Variants in GLYAT observed in about 807,000 individuals in gnomAD.
GLYAT encodes the protein glycine-N-acyltransferase, also known as glycine N-acyltransferase.
A neutral mutation model predicts 22.8 loss-of-function variants in GLYAT; 25 were observed. That is an observed-to-expected ratio of 1.09 (90% CI 0.80 to 1.53). The LOEUF (loss-of-function observed/expected upper bound fraction) is 1.53. Among genes scored for constraint, GLYAT ranks in the 40% most tolerant of loss-of-function variants. The pLI is 0.00. For synonymous variants in GLYAT, 140 were observed against 122.7 expected, an observed-to-expected ratio of 1.14 and a Z score of -0.93; for missense variants, 411 against 353.9, an observed-to-expected ratio of 1.16 and a Z score of -1.29.
At chr11:58,726,596 T>A (rs1287017164) in intron 1 of GLYAT, among the ~76,000 whole-genome samples, 2 of 152,184 alleles carry the variant, frequency 1.3e-5, no homozygotes, top group African/African-American at 2.4e-5. Flanking sequence ...CTGAGAAGGC[T>A]AATTTGAGAA....
chr11:58,709,542 T>A lies in GLYAT; in HGVS notation c.*224A>T. 1 of 462,212 alleles carries A rather than the reference T, an allele frequency of 2.2e-6. No individual in the cohort carries two copies. The highest frequency in any genetic ancestry group is 4.9e-5 in the South Asian group (1 of 20,342). 28.6% of individuals were successfully genotyped at this position (462,212 alleles called of 1,614,324 possible). A position where few individuals can be genotyped will look rare whatever the true frequency, so the allele number is the denominator to read the frequency against. On this transcript the variant is annotated 3_prime_UTR_variant, in exon 6 of 6. Coordinates refer to ENST00000344743, the MANE Select transcript of GLYAT (RefSeq NM_201648.3). ...GTCCTGGAAATGTGGGGAGGTAAAT[T>A]GCTTATGTCAAATGTAAGAGGACCT...
At chr11:58,718,732 T>G (rs1428136606) in intron 2 of GLYAT, among the ~76,000 whole-genome samples, 1 of 151,538 alleles carries the variant, frequency 6.6e-6, no homozygotes, top group African/African-American at 2.4e-5. Flanking sequence ...CTGTTGGAGT[T>G]TTATAGCTGA....
At chr11:58,721,764 A>C (rs1472667198) in intron 2 of GLYAT, among the ~76,000 whole-genome samples, 1 of 151,962 alleles carries the variant, frequency 6.6e-6, no homozygotes, top group Non-Finnish European at 1.5e-5. Context: ...TGACCTTATA[A>C]TGTAAATAAA....
intron 1 of GLYAT, among the ~76,000 whole-genome samples, chr11:58,727,243 T>C (rs1465923744): frequency 6.6e-6 from 1 of 152,032 alleles, no homozygotes. Context: ...CCTATAAATT[T>C]TGGGGGATGT....
intron 2 of GLYAT, among the ~76,000 whole-genome samples, chr11:58,717,451 G>A (rs1239537704): frequency 1.3e-5 from 2 of 151,948 alleles, no homozygotes; most frequent in Non-Finnish European, 2.9e-5. Flanking sequence ...TATGTAAACA[G>A]GTTGCTGTTA....
In GLYAT at chr11:58,710,772, TA is replaced by T; in HGVS notation, c.317-12del. ...GGCTAGGCTGTGAACCTAGACGGTA[TA>T]ATAAACAGAGATGAAATGGTTTAGG... On this transcript the variant is annotated splice_polypyrimidine_tract_variant and intron_variant, in intron 4 of 5. Transcript: ENST00000344743. 1 of 1,473,456 alleles carries T rather than the reference TA, an allele frequency of 6.8e-7. No homozygotes were observed. The highest frequency in any genetic ancestry group is 9.5e-7 in the Non-Finnish European group (1 of 1,052,052). 91.3% of individuals were successfully genotyped at this position (1,473,456 alleles called of 1,614,324 possible). A position where few individuals can be genotyped will look rare whatever the true frequency, so the allele number is the denominator to read the frequency against.
rs371443868 is a variant in GLYAT at position 58,726,844 on chromosome 11, T to C, written c.-15-2333A>G. Among the ~76,000 whole-genome samples, 130 of 152,242 alleles carry C rather than the reference T, an allele frequency of 8.5e-4. 2 individuals are homozygous for C. In the South Asian group the frequency reaches 0.026, roughly 30 times the overall value. On this transcript the variant is annotated intron_variant, in intron 1 of 5. Coordinates refer to ENST00000344743, the MANE Select transcript of GLYAT (RefSeq NM_201648.3). ...AAAAACCTCATGAAAAGCCTTCATA[T>C]GCTTACAAAAACAGCAATGCTTGGA... is the stretch of plus-strand genomic sequence containing the variant.
chr11:58,712,711 G>A, intron 4 of GLYAT, 49 bp downstream of exon 4: 1 of 1,567,306 alleles, frequency 6.4e-7, no homozygotes, highest in Non-Finnish European at 8.8e-7. Context: ...ATGAAAACTT[G>A]CTCAGGACAC....
chr11:58,720,938 T>A (rs999900103), intron 2 of GLYAT, among the ~76,000 whole-genome samples: 1 of 152,048 alleles, frequency 6.6e-6, no homozygotes, highest in Non-Finnish European at 1.5e-5. Flanking sequence ...AAAGATTTTA[T>A]TTAAGTTACA....
At chr11:58,725,768 C>T (rs1027090427) in intron 1 of GLYAT, among the ~76,000 whole-genome samples, 9 of 152,094 alleles carry the variant, frequency 5.9e-5, no homozygotes, top group African/African-American at 2.2e-4. Flanking sequence ...GACCTTTTGA[C>T]TGAGTTTTAT....
Position 58,710,732 on chromosome 11 carries a change from G to A in GLYAT, c.346C>T (p.Gln116Ter). Residue 116 changes from glutamine (Q) to a stop codon, truncating the protein, a stop_gained, in exon 5 of 6, where the codon CAA becomes TAA. Transcript: ENST00000344743. LOFTEE classifies it high-confidence loss of function. The part of the protein sequence containing the change: ...SSQPSLNEAI[Q>*]NLAAIKSFKV... The stretch of plus-strand genomic sequence containing the variant: ...AAGGACTTAATGGCTGCAAGATTTT[G>A]TATAGCCTCATTCAGGCTAGGCTGT... The A allele has an allele frequency of 1.2e-6, 2 of 1,610,672 alleles. No homozygotes were observed. Among genetic ancestry groups the A allele is most frequent in the Non-Finnish European group, 1.7e-6 (2 of 1,176,888 alleles).
chr11:58,709,674 G>C lies in GLYAT; in HGVS notation c.*92C>G. 1 of 1,367,650 alleles carries C rather than the reference G, an allele frequency of 7.3e-7. No individual in the cohort carries two copies. The highest frequency in any genetic ancestry group is 1.4e-5 in the South Asian group (1 of 72,580). 84.7% of individuals were successfully genotyped at this position (1,367,650 alleles called of 1,614,324 possible). A position where few individuals can be genotyped will look rare whatever the true frequency, so the allele number is the denominator to read the frequency against. On this transcript the variant is annotated 3_prime_UTR_variant, in exon 6 of 6. Transcript: ENST00000344743. ...AAACAGTGCCCACTCCTTTACTGCT[G>C]ATTACAATTTATTATTTCTTTTCAT...
intron 2 of GLYAT, among the ~76,000 whole-genome samples, chr11:58,720,860 T>C (rs1247973737): frequency 3.9e-5 from 6 of 152,044 alleles, no homozygotes; most frequent in Non-Finnish European, 8.8e-5. Context: ...AAACAAAATG[T>C]ATGCTGGTAA....
At chr11:58,722,455 G>T (rs541198790) in intron 2 of GLYAT, among the ~76,000 whole-genome samples, 47 of 152,114 alleles carry the variant, frequency 3.1e-4, no homozygotes, top group South Asian at 1.0e-3. Flanking sequence ...GAAGTACTTT[G>T]GTTCGGTTTG....
chr11:58,721,008 T>C (rs557594), intron 2 of GLYAT, among the ~76,000 whole-genome samples: 2 of 152,062 alleles, frequency 1.3e-5, no homozygotes, highest in Admixed American at 1.3e-4. Context: ...TAAGCACTTT[T>C]GTTTTTTCTT....
chr11:58,717,694 C>G (rs1856701193), intron 2 of GLYAT, among the ~76,000 whole-genome samples: 1 of 151,964 alleles, frequency 6.6e-6, no homozygotes, highest in Non-Finnish European at 1.5e-5. Context: ...AACAGGTGTA[C>G]TATAGTCTTG....
chr11:58,719,565 C>G (rs1276935709), intron 2 of GLYAT, among the ~76,000 whole-genome samples: 1 of 151,954 alleles, frequency 6.6e-6, no homozygotes, highest in East Asian at 1.9e-4. Context: ...ATGCCCAACT[C>G]CTCCATGATA....
intron 2 of GLYAT, among the ~76,000 whole-genome samples, chr11:58,723,544 T>G (rs1180835633): frequency 6.6e-6 from 1 of 152,078 alleles, no homozygotes; most frequent in African/African-American, 2.4e-5. Flanking sequence ...AGGGAATGGG[T>G]AATTTGAATG....
chr11:58,710,864 G>C (rs1053218183), intron 4 of GLYAT, 103 bp from the exon 5 acceptor site: 2 of 732,730 alleles, frequency 2.7e-6, no homozygotes, highest in African/African-American at 1.7e-5. Context: ...ATAAAATCTT[G>C]GTTCTGGGCT....
Sources: allele counts gnomAD v4.1 joint callset (sites outside exome capture counted in the v4.1 genomes callset), GRCh38; gene constraint gnomAD v4.1.1; transcripts MANE v1.5; gene names NCBI Gene and HGNC (gene_info 2026-07-23, HGNC 2026-07-21).